The following RABGAP1L variants were observed in gnomAD, a reference collection of about 807,000 sequenced individuals.
RABGAP1L encodes the protein RAB GTPase activating protein 1 like, also known as rab GTPase-activating protein 1-like.
Under a neutral mutation model 137.7 loss-of-function variants are expected in RABGAP1L, and 63 were observed. The ratio of observed to expected loss-of-function variants is 0.46; its 90% CI spans 0.37 to 0.56. The LOEUF (loss-of-function observed/expected upper bound fraction) is 0.56. Among genes scored for constraint, RABGAP1L ranks in the 20% least tolerant of loss-of-function variants. The probability of loss-of-function intolerance (pLI) is 0.00; values close to 1 mark genes in which losing one functional copy is unlikely to be tolerated. For synonymous variants in RABGAP1L, 431 were observed against 433.7 expected (o/e 0.99, Z 0.08); for missense variants, 1,095 against 1,244.0 (o/e 0.88, Z 1.80).
chr1:174,588,048 T>C (rs1236419007), intron 13 of RABGAP1L, among the ~76,000 whole-genome samples: 1 of 151,884 alleles, frequency 6.6e-6, no homozygotes, highest in African/African-American at 2.4e-5. Context: ...GTATTTTTAG[T>C]AGGGACAGAT....
At chr1:174,397,807 C>G (rs1250712379) in intron 13 of RABGAP1L, among the ~76,000 whole-genome samples, 2 of 152,126 alleles carry the variant, frequency 1.3e-5, no homozygotes, top group Admixed American at 6.5e-5. Context: ...CTGACATCAG[C>G]CACAATTTGG....
chr1:174,174,195 T>TACAC (rs56864336), intron 1 of RABGAP1L, among the ~76,000 whole-genome samples: 5,980 of 145,558 alleles, frequency 0.041, 175 homozygotes, highest in Admixed American at 0.061. Context: ...GGAAAAAAAA[T>TACAC]ACACACACAC....
In RABGAP1L at chr1:174,394,145, G is replaced by A. The variant is rs1293785598; in HGVS notation, c.1710G>A (p.Lys570=). The change falls in exon 13 of 26, where the codon AAG becomes AAA. Residue 570 remains lysine (K), a splice_region_variant and synonymous_variant. Coordinates refer to ENST00000681986, the MANE Select transcript of RABGAP1L (RefSeq NM_001366446.1). ...MLDRYRILIT[K]DSAQESVITR... is the part of the protein sequence containing the mutation. Reference sequence around the variant, plus strand: ...ATAGATACCGAATTCTTATCACAAAGGTAGGAAGAAGTTCTTTTCATATTA... The same window carrying A: ...ATAGATACCGAATTCTTATCACAAAAGTAGGAAGAAGTTCTTTTCATATTA... 1 of 1,608,938 alleles carries A rather than the reference G, an allele frequency of 6.2e-7. No homozygotes were observed. The highest frequency in any genetic ancestry group is 8.5e-7 in the Non-Finnish European group (1 of 1,178,294).
intron 13 of RABGAP1L, among the ~76,000 whole-genome samples, chr1:174,468,824 G>T (rs61826875): frequency 6.6e-6 from 1 of 152,140 alleles, no homozygotes; most frequent in Admixed American, 6.5e-5. Flanking sequence ...ACCACCTAGT[G>T]CAGGATGCCA....
intron 18 of RABGAP1L, among the ~76,000 whole-genome samples, chr1:174,807,021 A>C (rs918914079): frequency 1.3e-5 from 2 of 152,110 alleles, no homozygotes; most frequent in African/African-American, 4.8e-5. Flanking sequence ...CCTGACCTCA[A>C]AGTGATCCGC....
chr1:174,306,950 C>T (rs1678323343), intron 11 of RABGAP1L, among the ~76,000 whole-genome samples: 1 of 152,042 alleles, frequency 6.6e-6, no homozygotes, highest in South Asian at 2.1e-4. Context: ...AGTCTTGCTT[C>T]TGTATGAAAC....
chr1:174,868,992 G>GAA (rs34148746), intron 19 of RABGAP1L, among the ~76,000 whole-genome samples: 1 of 145,558 alleles, frequency 6.9e-6, no homozygotes, highest in African/African-American at 2.5e-5. Flanking sequence ...AAGGAAATAC[G>GAA]AAAAAAAAAA....
intron 18 of RABGAP1L, among the ~76,000 whole-genome samples, chr1:174,769,693 A>G (rs992228088): frequency 6.6e-6 from 1 of 152,148 alleles, no homozygotes. Context: ...TGGCTAGATG[A>G]GATCAAGAAG....
At chr1:174,595,515 A>T (rs1179862681) in intron 13 of RABGAP1L, among the ~76,000 whole-genome samples, 1 of 88,002 alleles carries the variant, frequency 1.1e-5, no homozygotes, top group East Asian at 3.3e-4. Flanking sequence ...GATGATGGTG[A>T]TGTACAGATG....
intron 10 of RABGAP1L, among the ~76,000 whole-genome samples, chr1:174,294,949 C>T (rs1302840277): frequency 6.6e-6 from 1 of 151,496 alleles, no homozygotes; most frequent in Non-Finnish European, 1.5e-5. Flanking sequence ...GACAGAGTCT[C>T]CCTCTGTAGC....
At chr1:174,645,509 G>C (rs188697973) in intron 14 of RABGAP1L, among the ~76,000 whole-genome samples, 19 of 151,484 alleles carry the variant, frequency 1.3e-4, no homozygotes, top group Non-Finnish European at 2.2e-4. Flanking sequence ...AGAGAATGAT[G>C]GTTTCCAGCT....
At chr1:174,274,606 C>CTGTGTGTGTGTGTG (rs61468070) in intron 8 of RABGAP1L, among the ~76,000 whole-genome samples, 3,591 of 146,086 alleles carry the variant, frequency 0.025, 142 homozygotes, top group African/African-American at 0.083. Context: ...ACAGGTGACT[C>CTGTGTGTGTGTGTG]TGTGTGTGTG....
intron 14 of RABGAP1L, among the ~76,000 whole-genome samples, chr1:174,674,759 A>G (rs192135437): frequency 0.062 from 9,338 of 151,752 alleles, 402 homozygotes; most frequent in Non-Finnish European, 0.09. Context: ...GTTGTTTCCT[A>G]ACTTTTTAAT....
chr1:174,431,753 G>A (rs573767848), intron 13 of RABGAP1L, among the ~76,000 whole-genome samples: 1 of 152,090 alleles, frequency 6.6e-6, no homozygotes, highest in Non-Finnish European at 1.5e-5. Flanking sequence ...AGCTACAAAG[G>A]TATGATTGTA....
At chr1:174,462,863 A>G (rs111454378) in intron 13 of RABGAP1L, among the ~76,000 whole-genome samples, 5 of 152,338 alleles carry the variant, frequency 3.3e-5, no homozygotes, top group African/African-American at 1.2e-4. Context: ...ATGCTTCTCA[A>G]AAATTCTCAA....
intron 3 of RABGAP1L, among the ~76,000 whole-genome samples, chr1:174,225,836 G>A (rs536876388): frequency 6.6e-6 from 1 of 152,222 alleles, no homozygotes; most frequent in East Asian, 1.9e-4. Context: ...TGACAAAGTG[G>A]TGAGAGAAAA....
chr1:174,351,096 G>C, intron 11 of RABGAP1L, among the ~76,000 whole-genome samples: 1 of 137,480 alleles, frequency 7.3e-6, no homozygotes, highest in East Asian at 2.3e-4. Flanking sequence ...GAGGGGGAGG[G>C]GGAGGGGTTG....
At chr1:174,425,135 T>C (rs187765418) in intron 13 of RABGAP1L, among the ~76,000 whole-genome samples, 1 of 152,118 alleles carries the variant, frequency 6.6e-6, no homozygotes, top group Non-Finnish European at 1.5e-5. Context: ...TGTTGTAGCA[T>C]TTGCTGTAAC....
chr1:174,476,990 T>G (rs1389859012), intron 13 of RABGAP1L, among the ~76,000 whole-genome samples: 2 of 152,164 alleles, frequency 1.3e-5, no homozygotes, highest in African/African-American at 4.8e-5. Context: ...TTGTGACAGC[T>G]GGGGCCCTCT....
Sources: gnomAD v4.1 joint callset for allele counts (sites outside exome capture counted in the v4.1 genomes callset) on GRCh38, gnomAD v4.1.1 for gene constraint, MANE v1.5 for transcripts, NCBI Gene and HGNC (gene_info 2026-07-23, HGNC 2026-07-21) for gene names.